The following EAF2 variants were observed in gnomAD, a reference collection of about 807,000 sequenced individuals.
EAF2 encodes ELL associated factor 2.
In EAF2, 29 loss-of-function variants were observed where a neutral mutation model predicts 29.4. That is an observed-to-expected ratio of 0.99 (90% confidence interval 0.73 to 1.35). The LOEUF is 1.35. Ranked by LOEUF, EAF2 falls within the 40% of genes most tolerant of loss-of-function variation. The pLI, the probability that EAF2 is intolerant of heterozygous loss-of-function variation, is 0.00. For synonymous variants in EAF2, 103 were observed against 102.5 expected, an observed-to-expected ratio of 1.00 and a Z score of -0.03; for missense variants, 292 against 312.0, an observed-to-expected ratio of 0.94 and a Z score of 0.48.
intron 4 of EAF2, among the ~76,000 whole-genome samples, chr3:121,861,115 G>A (rs1412406081): frequency 3.3e-5 from 5 of 152,224 alleles, no homozygotes; most frequent in Non-Finnish European, 7.3e-5. Context: ...TGGAATAAGT[G>A]TGATGTGGTT....
At chr3:121,849,043 G>T (rs1436162156) in intron 2 of EAF2, among the ~76,000 whole-genome samples, 2 of 152,114 alleles carry the variant, frequency 1.3e-5, no homozygotes, top group East Asian at 3.8e-4. Context: ...TTCACTTAAA[G>T]AACATCTTTA....
chr3:121,857,649 A>G lies in EAF2; in HGVS notation c.484+493A>G, dbSNP rs114129325. Among the ~76,000 whole-genome samples the G allele has an allele frequency of 6.6e-3, 998 of 152,184 alleles. 13 individuals are homozygous for G. Among genetic ancestry groups the G allele is most frequent in the African/African-American group, 0.023 (941 of 41,526 alleles). Reference sequence around the variant, plus strand: ...TGATTTTTAGTTTTATGTAAGCAATATCCATATAAGAGAATTTGTATCATT... The same window carrying G: ...TGATTTTTAGTTTTATGTAAGCAATGTCCATATAAGAGAATTTGTATCATT... On this transcript the variant is annotated intron_variant, in intron 4 of 5. Transcript: ENST00000273668.
At chr3:121,848,931 G>A (rs4610269) in intron 2 of EAF2, among the ~76,000 whole-genome samples, 18,382 of 151,958 alleles carry the variant, frequency 0.12, 1,249 homozygotes, top group African/African-American at 0.17. Context: ...ATCACCATCT[G>A]TCAAAAGCAA....
chr3:121,851,833 A>G (rs920058070), intron 2 of EAF2, among the ~76,000 whole-genome samples: 2 of 152,230 alleles, frequency 1.3e-5, no homozygotes, highest in Non-Finnish European at 2.9e-5. Flanking sequence ...CATGGAGCCG[A>G]TAGGTGGTAT....
chr3:121,878,601 T>C (rs978536304), intron 5 of EAF2, among the ~76,000 whole-genome samples: 1 of 152,134 alleles, frequency 6.6e-6, no homozygotes, highest in African/African-American at 2.4e-5. Flanking sequence ...CTACTCTCTA[T>C]CTCCATGAGA....
intron 5 of EAF2, among the ~76,000 whole-genome samples, chr3:121,879,620 CT>C (rs3047611): frequency 5.2e-4 from 76 of 144,868 alleles, no homozygotes; most frequent in African/African-American, 1.8e-3. Context: ...TTCTTTCTTT[CT>C]TTTTTTTTTT....
At position 121,858,859 on chromosome 3, in the gene EAF2, A is replaced by G. The variant is rs143598288; in HGVS notation, c.484+1703A>G. ...ATTAATTTTTATATAAGGTGTAAGG[A>G]AAGTATCCAGTTTCAGCTTTCTACA... On this transcript the variant is annotated intron_variant, in intron 4 of 5. Transcript: ENST00000273668. Among the ~76,000 whole-genome samples, 468 of 152,296 alleles carry G rather than the reference A, an allele frequency of 3.1e-3. 3 individuals are homozygous for G. The highest frequency in any genetic ancestry group is 0.011 in the African/African-American group (446 of 41,556).
rs114780598 is a variant in EAF2, at chr3:121,856,242, G to A, written c.339-769G>A. Among the ~76,000 whole-genome samples, 660 of 151,056 alleles carry A rather than the reference G, an allele frequency of 4.4e-3. 7 individuals are homozygous for A. The highest frequency in any genetic ancestry group is 0.015 in the African/African-American group (630 of 41,110). On this transcript the variant is annotated intron_variant, in intron 3 of 5. Coordinates refer to ENST00000273668, the MANE Select transcript of EAF2 (RefSeq NM_018456.6). ...AATCTTAGAACTTACGGAATATATCGTACCTGTTATACACTTATATTTTTC... is the reference window on the plus strand; with the variant it reads ...AATCTTAGAACTTACGGAATATATCATACCTGTTATACACTTATATTTTTC...
intron 2 of EAF2, among the ~76,000 whole-genome samples, chr3:121,854,016 T>G (rs1708675483): frequency 6.6e-6 from 1 of 152,038 alleles, no homozygotes; most frequent in Admixed American, 6.6e-5. Context: ...TATAAAGCAA[T>G]AAGAAAGAAG....
chr3:121,854,747 AT>A lies in EAF2; in HGVS notation c.266del (p.Leu89Ter), dbSNP rs1211948051. On this transcript the variant is annotated frameshift_variant, in exon 3 of 6. Transcript: ENST00000273668. LOFTEE classifies it high-confidence loss of function. Reference protein sequence around the residue: ...GSKKPYLKECILIINHDTGEC... With the variant: ...GSKKPYLKECXLIINHDTGEC... ...AAAAAAACCTTACTTAAAAGAATGC[AT>A]TTTGATTATTAACCATGATACTGGA... The A allele has an allele frequency of 5.2e-5, 82 of 1,568,126 alleles. No homozygotes were observed. Among genetic ancestry groups the A allele is most frequent in the Non-Finnish European group, 6.6e-5 (77 of 1,167,410 alleles).
intron 4 of EAF2, among the ~76,000 whole-genome samples, chr3:121,868,554 C>T (rs919541542): frequency 6.6e-6 from 1 of 152,096 alleles, no homozygotes; most frequent in African/African-American, 2.4e-5. Context: ...GCTGAGATCA[C>T]GCCACTGCAC....
intron 5 of EAF2, among the ~76,000 whole-genome samples, chr3:121,883,043 A>G (rs529088211): frequency 6.6e-6 from 1 of 152,286 alleles, no homozygotes; most frequent in African/African-American, 2.4e-5. Flanking sequence ...AAGGCAAAAG[A>G]AAAACAAATT....
intron 4 of EAF2, among the ~76,000 whole-genome samples, chr3:121,862,824 G>T (rs1462109821): frequency 2.0e-5 from 3 of 152,114 alleles, no homozygotes; most frequent in African/African-American, 7.2e-5. Flanking sequence ...GGTAGATAAA[G>T]GTTTTATCTA....
intron 1 of EAF2, among the ~76,000 whole-genome samples, chr3:121,838,139 T>C (rs1203721698): frequency 1.3e-5 from 2 of 152,162 alleles, no homozygotes; most frequent in African/African-American, 4.8e-5. Flanking sequence ...AGAAAAGCGA[T>C]AAACATTGGC....
chr3:121,876,385 A>T (rs1559829942), intron 5 of EAF2, among the ~76,000 whole-genome samples: 1 of 151,886 alleles, frequency 6.6e-6, no homozygotes, highest in Admixed American at 6.6e-5. Flanking sequence ...TAACAGACAT[A>T]TATATATGTT....
At chr3:121,844,191 C>G (rs534874007) in intron 1 of EAF2, among the ~76,000 whole-genome samples, 1 of 129,078 alleles carries the variant, frequency 7.7e-6, no homozygotes, top group African/African-American at 3.0e-5. Context: ...TCAGGTTCAT[C>G]TTGTCTAAAC....
chr3:121,864,659 A>T (rs28646022), intron 4 of EAF2, among the ~76,000 whole-genome samples: 56,058 of 151,446 alleles, frequency 0.37, 11,021 homozygotes, highest in East Asian at 0.7. Context: ...CTACAAAAAA[A>T]TGCAAAATTA....
intron 1 of EAF2, chr3:121,836,867 A>G: frequency 1.2e-6 from 1 of 864,148 alleles, no homozygotes; most frequent in Non-Finnish European, 1.4e-6. Flanking sequence ...TTAAGAATAT[A>G]TTTCTATATG....
chr3:121,884,321 CA>C (rs1709241955), intron 5 of EAF2, among the ~76,000 whole-genome samples: 1 of 93,362 alleles, frequency 1.1e-5, no homozygotes, highest in Non-Finnish European at 2.0e-5. Context: ...GCCTGGGTGA[CA>C]AGAGTGAAAC....
Sources: gnomAD v4.1 joint callset for allele counts (sites outside exome capture counted in the v4.1 genomes callset) on GRCh38, gnomAD v4.1.1 for gene constraint, MANE v1.5 for transcripts, NCBI Gene and HGNC (gene_info 2026-07-23, HGNC 2026-07-21) for gene names.